TUB: variants seen among roughly 807,000 people sequenced by gnomAD.
The protein encoded by TUB is TUB bipartite transcription factor, also known as tubby protein homolog.
TUB carries 33 observed loss-of-function variants against 59.7 expected under a neutral mutation model. The observed-to-expected ratio is 0.55, with a 90% CI of 0.42 to 0.74. The LOEUF (loss-of-function observed/expected upper bound fraction) is 0.74. TUB is among the 30% of genes least tolerant of loss of function. TUB has a pLI of 0.00. For missense variants in TUB, 659 were observed against 672.0 expected (o/e 0.98, Z 0.21); for synonymous variants, 293 against 256.4 (o/e 1.14, Z -1.36).
chr11:8,053,145 G>C (rs193285902), intron 2 of TUB, among the ~76,000 whole-genome samples: 3 of 152,060 alleles, frequency 2.0e-5, no homozygotes, highest in Non-Finnish European at 4.4e-5. Flanking sequence ...TAAAACTTAC[G>C]ACATTTATCA....
chr11:8,100,965 T>C lies in TUB; in HGVS notation c.1355T>C (p.Val452Ala), dbSNP rs1342721848. Reference sequence around the variant, plus strand: ...CATGGGCGCGTCACACAGGCCTCCGTGAAGAACTTCCAGATCATCCATGGC... The same window carrying C: ...CATGGGCGCGTCACACAGGCCTCCGCGAAGAACTTCCAGATCATCCATGGC... ...NFHGRVTQAS[V>A]KNFQIIHGND... The change falls in exon 11 of 12, where the codon GTG becomes GCG. Residue 452 changes from valine (V) to alanine (A), a missense_variant. Val to Ala is a moderately conservative substitution (Grantham distance 64). Coordinates refer to ENST00000299506, the MANE Select transcript of TUB (RefSeq NM_177972.3). 1 of 1,614,074 alleles carries C rather than the reference T, an allele frequency of 6.2e-7. No individual in the cohort carries two copies. The highest frequency in any genetic ancestry group is 8.5e-7 in the Non-Finnish European group (1 of 1,180,026).
upstream of TUB, among the ~76,000 whole-genome samples, chr11:8,034,689 C>G (rs915046123): frequency 6.6e-6 from 1 of 152,196 alleles, no homozygotes; most frequent in African/African-American, 2.4e-5. Context: ...AATTACAGCT[C>G]ATCTGCCATT....
At chr11:8,062,627 A>C (rs1445125198) in intron 2 of TUB, among the ~76,000 whole-genome samples, 1 of 152,120 alleles carries the variant, frequency 6.6e-6, no homozygotes. Flanking sequence ...GCAGGCTCAC[A>C]ACCTTCTTTC....
At chr11:8,095,231 C>T (rs960577132) in intron 4 of TUB, among the ~76,000 whole-genome samples, 3 of 152,124 alleles carry the variant, frequency 2.0e-5, no homozygotes, top group East Asian at 1.9e-4. Flanking sequence ...AGATGGCTGC[C>T]GTCTGCTTTA....
intron 1 of TUB, among the ~76,000 whole-genome samples, chr11:8,022,616 G>A (rs540307805): frequency 7.9e-5 from 12 of 152,292 alleles, no homozygotes; most frequent in South Asian, 2.1e-4. Context: ...TTGGCCAGGC[G>A]CGGTGGCTCA....
intron 1 of TUB, among the ~76,000 whole-genome samples, chr11:8,086,734 C>G (rs554437885): frequency 6.6e-6 from 1 of 152,142 alleles, no homozygotes; most frequent in Non-Finnish European, 1.5e-5. Context: ...GGCTTCTCCC[C>G]GGTGGCCGCC....
Position 8,094,187 on chromosome 11 carries a change from A to C in TUB, c.395A>C (p.Lys132Thr). ...AGGAAGGAGAAGAAGGGAAAGCACA[A>C]AGGTCAGCTCACATTCTCTACAGCC... Reference protein sequence around the residue: ...AARKEKKGKHKGTSGPAALAE... With the variant: ...AARKEKKGKHTGTSGPAALAE... The change falls in exon 4 of 12, where the codon AAA becomes ACA. Residue 132 changes from lysine (K) to threonine (T), a missense_variant and splice_region_variant. Lys to Thr is a moderately conservative substitution (Grantham distance 78). This residue lies in a region of TUB where 321 missense variants were observed against 304.3 expected (regional missense o/e 1.05). Transcript: ENST00000299506. The C allele has an allele frequency of 6.2e-7, 1 of 1,611,580 alleles. No individual in the cohort carries two copies. The highest frequency in any genetic ancestry group is 1.3e-5 in the African/African-American group (1 of 75,008).
chr11:8,081,429 C>G lies in TUB; in HGVS notation c.-82C>G, dbSNP rs1367985942. On this transcript the variant is annotated 5_prime_UTR_variant, in exon 1 of 12. Transcript: ENST00000299506. Reference sequence around the variant, plus strand: ...CGGGAGGATGCGGCCCGGGGCGGCCCGGGAGCTGAGCAGGGCCCCCGCGCC... The same window carrying G: ...CGGGAGGATGCGGCCCGGGGCGGCCGGGGAGCTGAGCAGGGCCCCCGCGCC... 12 of 1,210,388 alleles carry G rather than the reference C, an allele frequency of 9.9e-6. No individual in the cohort carries two copies. The South Asian group carries it at 1.6e-4, about 17-fold the overall frequency. The allele number at this position is 1,210,388 out of a possible 1,614,324, so 75.0% of individuals were successfully genotyped here. A position where few individuals can be genotyped will look rare whatever the true frequency, so the allele number is the denominator to read the frequency against.
chr11:8,078,585 C>T (rs563276172), upstream of TUB, among the ~76,000 whole-genome samples: 2 of 152,230 alleles, frequency 1.3e-5, no homozygotes, highest in Non-Finnish European at 2.9e-5. Flanking sequence ...ATCATGCATT[C>T]TGAGTAGAAT....
upstream of TUB, among the ~76,000 whole-genome samples, chr11:8,035,259 G>A (rs1025015168): frequency 6.6e-6 from 1 of 152,240 alleles, no homozygotes; most frequent in Non-Finnish European, 1.5e-5. Flanking sequence ...TGCGGGCCTT[G>A]TATTGGCCTC....
At chr11:8,098,678 C>G (rs908105435) in intron 8 of TUB, 80 bp from the exon 9 acceptor site, 8 of 1,072,540 alleles carry the variant, frequency 7.5e-6, no homozygotes, top group Non-Finnish European at 1.4e-6. Context: ...TTGCAGGCTC[C>G]TCATAGGACA....
chr11:8,079,702 ATGTGTGTAGG>A (rs1943509296), upstream of TUB, among the ~76,000 whole-genome samples: 1 of 100,196 alleles, frequency 1.0e-5, no homozygotes, highest in African/African-American at 2.9e-5. Flanking sequence ...GTGTGTGTGC[ATGTGTGTAGG>A]GGTGTGTGTG....
chr11:8,084,081 G>T (rs192343926), intron 1 of TUB, among the ~76,000 whole-genome samples: 12 of 152,328 alleles, frequency 7.9e-5, no homozygotes, highest in Non-Finnish European at 1.5e-4. Flanking sequence ...TTTGACTGGT[G>T]TGAGGTTTCC....
chr11:8,048,018 CT>C (rs949651102), intron 2 of TUB, among the ~76,000 whole-genome samples: 8 of 150,012 alleles, frequency 5.3e-5, no homozygotes, highest in African/African-American at 7.3e-5. Flanking sequence ...AGGGCTGTAT[CT>C]TTTTTTTTTC....
chr11:8,039,750 T>G (rs529096652), intron 2 of TUB: 2 of 1,411,504 alleles, frequency 1.4e-6, no homozygotes, highest in East Asian at 5.4e-5. Context: ...CACAGGAGAC[T>G]GTGAGGGAGG....
chr11:8,100,669 G>T, intron 10 of TUB, 68 bp downstream of exon 10: 1 of 1,557,436 alleles, frequency 6.4e-7, no homozygotes, highest in Non-Finnish European at 8.8e-7. Context: ...TCTAAGGGCA[G>T]AACTCCAGCT....
intron 9 of TUB, 60 bp from the exon 10 acceptor site, chr11:8,100,443 C>G (rs529532178): frequency 6.4e-5 from 87 of 1,350,300 alleles, no homozygotes; most frequent in African/African-American, 1.6e-4. Context: ...CCGTCCCCCC[C>G]ACCTTCTCCA....
chr11:8,022,661 G>A (rs749111457), intron 1 of TUB, among the ~76,000 whole-genome samples: 6 of 152,288 alleles, frequency 3.9e-5, no homozygotes, highest in Middle Eastern at 3.4e-3. Flanking sequence ...AGGCCAAGGC[G>A]GGCGGATTAC....
At chr11:8,032,104 C>T (rs925827548) in intron 1 of TUB, among the ~76,000 whole-genome samples, 3 of 151,718 alleles carry the variant, frequency 2.0e-5, no homozygotes, top group Non-Finnish European at 2.9e-5. Context: ...GTGAGTGTCC[C>T]GCCTGGGGAA....
Sources: gnomAD v4.1 joint callset for allele counts (sites outside exome capture counted in the v4.1 genomes callset) on GRCh38, gnomAD v4.1.1 for gene constraint, gnomAD v4.1.1 regional missense constraint, MANE v1.5 for transcripts, NCBI Gene and HGNC (gene_info 2026-07-23, HGNC 2026-07-21) for gene names.